NRG1: variants seen among roughly 807,000 people sequenced by gnomAD.
NRG1 encodes neuregulin 1.
Under a neutral mutation model 63.8 loss-of-function variants are expected in NRG1, and 18 were observed. That is an observed-to-expected ratio of 0.28 (90% CI 0.19 to 0.42). NRG1 has a LOEUF of 0.42. Among genes scored for constraint, NRG1 ranks in the 10% least tolerant of loss-of-function variants. The probability of loss-of-function intolerance (pLI) is 1.00; values close to 1 mark genes in which losing one functional copy is unlikely to be tolerated. For synonymous variants in NRG1, 302 were observed against 301.3 expected (o/e 1.00, Z -0.02); for missense variants, 762 against 814.7 (o/e 0.94, Z 0.79).
intron 1 of NRG1, among the ~76,000 whole-genome samples, chr8:32,535,828 C>T (rs1329998705): frequency 6.6e-6 from 1 of 152,104 alleles, no homozygotes; most frequent in Non-Finnish European, 1.5e-5. Context: ...GATAGCCTTG[C>T]CCATTGACCA....
chr8:32,185,823 T>G (rs1243756607), intron 1 of NRG1, among the ~76,000 whole-genome samples: 1 of 152,194 alleles, frequency 6.6e-6, no homozygotes, highest in Admixed American at 6.5e-5. Flanking sequence ...TAGCTACAGT[T>G]TCTCCAGTGA....
At chr8:32,378,234 A>C (rs1361528517) in intron 1 of NRG1, among the ~76,000 whole-genome samples, 1 of 152,146 alleles carries the variant, frequency 6.6e-6, no homozygotes, top group Non-Finnish European at 1.5e-5. Flanking sequence ...GAAAATGCTG[A>C]GTCTCTCATT....
At chr8:32,077,980 T>C (rs958709656) in intron 1 of NRG1, among the ~76,000 whole-genome samples, 1 of 152,186 alleles carries the variant, frequency 6.6e-6, no homozygotes, top group African/African-American at 2.4e-5. Flanking sequence ...AGTCAGTAGG[T>C]CCACTCCACA....
At chr8:31,956,403 G>T (rs1804415194) in intron 1 of NRG1, among the ~76,000 whole-genome samples, 1 of 152,082 alleles carries the variant, frequency 6.6e-6, no homozygotes, top group African/African-American at 2.4e-5. Context: ...AGATCACAAG[G>T]TCAGGAGATC....
chr8:32,671,856 A>T (rs978799450), intron 5 of NRG1, among the ~76,000 whole-genome samples: 6 of 152,224 alleles, frequency 3.9e-5, no homozygotes, highest in Admixed American at 1.3e-4. Flanking sequence ...TTATGTGATT[A>T]GAAAATCATT....
At chr8:31,822,473 G>A (rs187036769) in intron 1 of NRG1, among the ~76,000 whole-genome samples, 110 of 152,252 alleles carry the variant, frequency 7.2e-4, no homozygotes, top group African/African-American at 2.4e-3. Flanking sequence ...TCAAAATGAG[G>A]CAAACGGCCA....
At chr8:32,056,207 T>G (rs1822907162) in intron 1 of NRG1, among the ~76,000 whole-genome samples, 1 of 152,096 alleles carries the variant, frequency 6.6e-6, no homozygotes, top group African/African-American at 2.4e-5. Flanking sequence ...GATGCCAAAT[T>G]TTCGGAAAGT....
At chr8:32,453,669 C>A (rs1369532422) in intron 1 of NRG1, among the ~76,000 whole-genome samples, 1 of 152,158 alleles carries the variant, frequency 6.6e-6, no homozygotes, top group Non-Finnish European at 1.5e-5. Flanking sequence ...AAATTTTAGG[C>A]AACAGACAGT....
intron 1 of NRG1, among the ~76,000 whole-genome samples, chr8:31,782,616 G>A (rs1278762021): frequency 1.3e-5 from 2 of 152,192 alleles, no homozygotes; most frequent in Admixed American, 6.6e-5. Context: ...ATTACATTGG[G>A]GTTTTCTAGA....
At chr8:32,421,132 C>A (rs1413919230) in intron 1 of NRG1, among the ~76,000 whole-genome samples, 1 of 152,132 alleles carries the variant, frequency 6.6e-6, no homozygotes, top group African/African-American at 2.4e-5. Context: ...TGAGAACAGA[C>A]TAATACACTC....
chr8:32,576,778 C>T (rs553699321), intron 1 of NRG1, among the ~76,000 whole-genome samples: 5 of 151,166 alleles, frequency 3.3e-5, no homozygotes, highest in Admixed American at 6.6e-5. Context: ...AAAATAATTT[C>T]GACTTATATT....
chr8:32,193,926 T>C (rs2132230868), intron 1 of NRG1, among the ~76,000 whole-genome samples: 1 of 152,350 alleles, frequency 6.6e-6, no homozygotes, highest in East Asian at 1.9e-4. Flanking sequence ...GGACAGGCCC[T>C]TCTCTAGCAC....
At chr8:32,051,700 A>G (rs1325369915) in intron 1 of NRG1, among the ~76,000 whole-genome samples, 2 of 151,606 alleles carry the variant, frequency 1.3e-5, no homozygotes, top group Non-Finnish European at 2.9e-5. Flanking sequence ...CAGGAACTAC[A>G]ACAACAACAA....
chr8:32,206,756 T>C (rs1425494150), intron 1 of NRG1, among the ~76,000 whole-genome samples: 3 of 152,196 alleles, frequency 2.0e-5, no homozygotes, highest in African/African-American at 7.2e-5. Flanking sequence ...GTGTACATTG[T>C]ACGCATTAAG....
intron 7 of NRG1, among the ~76,000 whole-genome samples, chr8:32,752,225 C>G (rs1828870270): frequency 6.6e-6 from 1 of 152,106 alleles, no homozygotes; most frequent in Non-Finnish European, 1.5e-5. Context: ...AGCTTTGCTT[C>G]TTAGACATGT....
intron 1 of NRG1, among the ~76,000 whole-genome samples, chr8:32,577,061 G>C (rs1306079177): frequency 1.3e-5 from 2 of 152,202 alleles, no homozygotes; most frequent in East Asian, 3.9e-4. Context: ...TTATAAGTGA[G>C]AGCATGGAGT....
At chr8:31,901,016 T>G (rs1832031333) in intron 1 of NRG1, among the ~76,000 whole-genome samples, 1 of 152,190 alleles carries the variant, frequency 6.6e-6, no homozygotes, top group African/African-American at 2.4e-5. Flanking sequence ...TCCCAGAAAT[T>G]TCAAAGGTTT....
chr8:32,144,708 G>C (rs1379787726), intron 1 of NRG1, among the ~76,000 whole-genome samples: 2 of 151,982 alleles, frequency 1.3e-5, no homozygotes, highest in Non-Finnish European at 2.9e-5. Context: ...CGTCAAGCTG[G>C]GATGGATCCT....
intron 1 of NRG1, among the ~76,000 whole-genome samples, chr8:31,771,724 A>G (rs1818645507): frequency 6.6e-6 from 1 of 152,198 alleles, no homozygotes; most frequent in African/African-American, 2.4e-5. Flanking sequence ...GTGCATGGCT[A>G]TAGTTTCAGA....
Sources: gnomAD v4.1 joint callset for allele counts (sites outside exome capture counted in the v4.1 genomes callset) on GRCh38, gnomAD v4.1.1 for gene constraint, MANE v1.5 for transcripts, NCBI Gene and HGNC (gene_info 2026-07-23, HGNC 2026-07-21) for gene names.